Variants in TBC1D5 observed in about 807,000 individuals in gnomAD.
The protein encoded by TBC1D5 is TBC1 domain family, member 5.
TBC1D5 carries 75 observed loss-of-function variants against 100.3 expected under a neutral mutation model. That is an observed-to-expected ratio of 0.75 (90% confidence interval 0.62 to 0.91). TBC1D5 has a LOEUF of 0.91. TBC1D5 is among the 40% of genes least tolerant of loss of function. TBC1D5 has a pLI of 0.00. For missense variants in TBC1D5, 910 were observed against 942.4 expected (o/e 0.97, Z 0.45); for synonymous variants, 323 against 325.6 (o/e 0.99, Z 0.09).
intron 18 of TBC1D5, among the ~76,000 whole-genome samples, chr3:17,202,543 G>C (rs926537379): frequency 2.0e-5 from 3 of 152,224 alleles, no homozygotes; most frequent in Admixed American, 2.0e-4. Context: ...TGTCTCAAAG[G>C]CATCTCAGAG....
At chr3:17,576,895 G>A (rs1222586771) in intron 2 of TBC1D5, among the ~76,000 whole-genome samples, 1 of 151,896 alleles carries the variant, frequency 6.6e-6, no homozygotes, top group African/African-American at 2.4e-5. Context: ...GAAATAAGCT[G>A]TGATATATTT....
chr3:17,587,411 A>T (rs1227670522), intron 2 of TBC1D5, among the ~76,000 whole-genome samples: 1 of 152,036 alleles, frequency 6.6e-6, no homozygotes, highest in Non-Finnish European at 1.5e-5. Context: ...AAACATAATC[A>T]ATAACATGAA....
Position 17,596,562 on chromosome 3 carries a change from C to T in TBC1D5, c.-36+27287G>A, listed in dbSNP as rs541840422. 9.2e-5 allele frequency among the ~76,000 whole-genome samples: 14 copies of T among 151,592 alleles called. No homozygotes were observed. The East Asian group carries it at 2.7e-3, about 29-fold the overall frequency. The stretch of plus-strand genomic sequence containing the variant: ...CTTGAACTCCTGACCTCGTGATCCG[C>T]CCACCTTGGCCTCCCAAAGTGTTGG... On this transcript the variant is annotated intron_variant, in intron 2 of 21. Transcript: ENST00000253692.
intron 4 of TBC1D5, among the ~76,000 whole-genome samples, chr3:17,408,591 A>C (rs1283487329): frequency 6.6e-6 from 1 of 152,074 alleles, no homozygotes; most frequent in Non-Finnish European, 1.5e-5. Flanking sequence ...AAAGTGCTGG[A>C]ATTAAAGGTA....
At chr3:17,322,754 A>G (rs1337914644) in intron 13 of TBC1D5, among the ~76,000 whole-genome samples, 1 of 152,218 alleles carries the variant, frequency 6.6e-6, no homozygotes, top group Non-Finnish European at 1.5e-5. Context: ...TATGAAGGGT[A>G]AACTTCTAGA....
chr3:17,358,228 A>C (rs1171154699), intron 13 of TBC1D5, among the ~76,000 whole-genome samples: 1 of 151,970 alleles, frequency 6.6e-6, no homozygotes, highest in Non-Finnish European at 1.5e-5. Context: ...CCTGTTGCCC[A>C]GGTTGGAGTG....
At chr3:17,580,149 G>A (rs1269903362) in intron 2 of TBC1D5, among the ~76,000 whole-genome samples, 1 of 151,962 alleles carries the variant, frequency 6.6e-6, no homozygotes, top group Non-Finnish European at 1.5e-5. Flanking sequence ...GATTTTGATG[G>A]CCCTGTTTCT....
chr3:17,532,409 A>C (rs923598364), intron 2 of TBC1D5, among the ~76,000 whole-genome samples: 2 of 152,216 alleles, frequency 1.3e-5, no homozygotes, highest in African/African-American at 2.4e-5. Context: ...TAGTTCAACC[A>C]TTGTGGAAGT....
rs561052906 is a variant in TBC1D5 at position 17,350,237 on chromosome 3, AT to A, written c.995+21837del. ...ACAAACTACTCCCCAAAAGAAAGAA[AT>A]AATGAAAAGAAAAAAATAGATAAGA... On this transcript the variant is annotated intron_variant, in intron 13 of 21. Transcript: ENST00000253692. Among the ~76,000 whole-genome samples the A allele has an allele frequency of 8.1e-4, 124 of 152,280 alleles. 2 individuals carry two copies. In the East Asian group the frequency reaches 0.012, roughly 15 times the overall value.
chr3:17,434,782 A>C (rs2094505758), intron 3 of TBC1D5, among the ~76,000 whole-genome samples: 2 of 152,110 alleles, frequency 1.3e-5, no homozygotes, highest in African/African-American at 4.8e-5. Flanking sequence ...ACTTCTGCAA[A>C]TTTCTGCAGT....
chr3:17,693,165 G>A (rs547702302), intron 1 of TBC1D5, among the ~76,000 whole-genome samples: 7 of 152,308 alleles, frequency 4.6e-5, no homozygotes, highest in East Asian at 1.9e-4. Context: ...CCAGAGTGAC[G>A]GACGCAGAAG....
intron 13 of TBC1D5, among the ~76,000 whole-genome samples, chr3:17,352,683 C>CAAAAAAAAAAAAAAAAAAAAAA (rs1363926293): frequency 5.3e-5 from 5 of 94,902 alleles, no homozygotes; most frequent in Non-Finnish European, 8.2e-5. Context: ...AAGCAAAAGG[C>CAAAAAAAAAAAAAAAAAAAAAA]AAAAAAAAAA....
At chr3:17,506,471 C>G (rs1365718701) in intron 3 of TBC1D5, among the ~76,000 whole-genome samples, 1 of 152,112 alleles carries the variant, frequency 6.6e-6, no homozygotes, top group East Asian at 1.9e-4. Context: ...GAATGAGGGT[C>G]TTGATTACTT....
chr3:17,332,971 G>T (rs1165480187), intron 13 of TBC1D5, among the ~76,000 whole-genome samples: 8 of 152,132 alleles, frequency 5.3e-5, no homozygotes, highest in African/African-American at 1.9e-4. Context: ...AATAGCTGGA[G>T]GGGGATGTGT....
chr3:17,543,252 T>C (rs906480279), intron 2 of TBC1D5, among the ~76,000 whole-genome samples: 2 of 152,188 alleles, frequency 1.3e-5, no homozygotes, highest in African/African-American at 4.8e-5. Flanking sequence ...GATTAATGAT[T>C]TCCCATAAAT....
intron 16 of TBC1D5, among the ~76,000 whole-genome samples, chr3:17,246,232 T>A (rs1356282860): frequency 6.6e-6 from 1 of 152,108 alleles, no homozygotes; most frequent in Non-Finnish European, 1.5e-5. Flanking sequence ...AGGAATATAT[T>A]TTTTCTTAAT....
intron 3 of TBC1D5, among the ~76,000 whole-genome samples, chr3:17,454,487 T>A (rs2095005637): frequency 6.6e-6 from 1 of 151,922 alleles, no homozygotes; most frequent in African/African-American, 2.4e-5. Flanking sequence ...TGAGATGGAG[T>A]CTCGCTCTGT....
intron 12 of TBC1D5, among the ~76,000 whole-genome samples, chr3:17,374,170 A>G (rs950105362): frequency 6.6e-6 from 1 of 152,134 alleles, no homozygotes; most frequent in African/African-American, 2.4e-5. Flanking sequence ...TAATGTGTAT[A>G]CCAACTAACT....
intron 13 of TBC1D5, among the ~76,000 whole-genome samples, chr3:17,349,795 C>T (rs1383068978): frequency 6.6e-6 from 1 of 152,164 alleles, no homozygotes; most frequent in Admixed American, 6.5e-5. Flanking sequence ...AGAGAAGTCA[C>T]TTTAACTCAC....
Sources: allele counts gnomAD v4.1 joint callset (sites outside exome capture counted in the v4.1 genomes callset), GRCh38; gene constraint gnomAD v4.1.1; transcripts MANE v1.5; gene names NCBI Gene and HGNC (gene_info 2026-07-23, HGNC 2026-07-21).